Variants in GRM1 observed in about 807,000 individuals in gnomAD.
GRM1 encodes the protein glutamate metabotropic receptor 1.
In GRM1, 33 loss-of-function variants were observed where a neutral mutation model predicts 90.9. That is an observed-to-expected ratio of 0.36 (90% CI 0.28 to 0.49). The LOEUF (loss-of-function observed/expected upper bound fraction) is 0.49. Ranked by LOEUF, GRM1 falls within the 20% of genes least tolerant of loss-of-function variation. The pLI, the probability that GRM1 is intolerant of heterozygous loss-of-function variation, is 0.99. For missense variants in GRM1, 1,190 were observed against 1,534.3 expected (o/e 0.78, Z 3.75); for synonymous variants, 700 against 613.2 (o/e 1.14, Z -2.09).
At chr6:146,414,774 T>C (rs1264198541) in intron 7 of GRM1, among the ~76,000 whole-genome samples, 1 of 152,218 alleles carries the variant, frequency 6.6e-6, no homozygotes, top group Non-Finnish European at 1.5e-5. Flanking sequence ...ATATTTTTTC[T>C]CAGTCTTTGA....
intron 2 of GRM1, among the ~76,000 whole-genome samples, chr6:146,169,054 G>T (rs138553584): frequency 6.6e-6 from 1 of 152,134 alleles, no homozygotes; most frequent in East Asian, 1.9e-4. Context: ...TTCTAGCTGA[G>T]ATTCCATTTA....
At chr6:146,219,098 C>T (rs575493027) in intron 2 of GRM1, among the ~76,000 whole-genome samples, 51 of 152,306 alleles carry the variant, frequency 3.3e-4, no homozygotes, top group African/African-American at 1.2e-3. Flanking sequence ...ATTTTCTTTG[C>T]ACTCATTTCT....
chr6:146,175,412 C>T (rs1333063115), intron 2 of GRM1, among the ~76,000 whole-genome samples: 15 of 152,146 alleles, frequency 9.9e-5, no homozygotes, highest in Admixed American at 9.8e-4. Flanking sequence ...GTTACAACCT[C>T]TACTTTCCTT....
chr6:146,254,606 C>A (rs937560092), intron 2 of GRM1, among the ~76,000 whole-genome samples: 1 of 152,048 alleles, frequency 6.6e-6, no homozygotes, highest in Non-Finnish European at 1.5e-5. Context: ...AAAGATGTTT[C>A]TTTTCTTACC....
intron 3 of GRM1, among the ~76,000 whole-genome samples, chr6:146,306,911 A>G (rs942872815): frequency 2.6e-5 from 4 of 152,202 alleles, no homozygotes; most frequent in Non-Finnish European, 4.4e-5. Flanking sequence ...GGAAAGTCCA[A>G]GAGGCTGATT....
chr6:146,354,653 C>T (rs769643002), intron 4 of GRM1, among the ~76,000 whole-genome samples: 1 of 152,164 alleles, frequency 6.6e-6, no homozygotes, highest in Non-Finnish European at 1.5e-5. Context: ...TGTACTTCCT[C>T]CTCCTGTCAT....
rs548833259 is a variant in GRM1 at position 146,107,530 on chromosome 6, C to A, written c.701-51818C>A. Among the ~76,000 whole-genome samples the A allele has an allele frequency of 4.9e-4, 74 of 152,222 alleles. No individual in the cohort carries two copies. In the Middle Eastern group the frequency reaches 0.014, roughly 28 times the overall value. ...GTGGCTGTTCTTACTGGAGACTTCACCCCTTCAAGCCCAAAATGGAACTGC... is the reference window on the plus strand; with the variant it reads ...GTGGCTGTTCTTACTGGAGACTTCAACCCTTCAAGCCCAAAATGGAACTGC... On this transcript the variant is annotated intron_variant, in intron 1 of 7. Coordinates refer to ENST00000282753, the MANE Select transcript of GRM1 (RefSeq NM_001278064.2).
At chr6:146,138,189 CT>C (rs1431614274) in intron 1 of GRM1, among the ~76,000 whole-genome samples, 1 of 151,850 alleles carries the variant, frequency 6.6e-6, no homozygotes, top group Non-Finnish European at 1.5e-5. Context: ...ACTTTCAGTA[CT>C]ATGTTAAATA....
chr6:146,290,988 A>G (rs1364642702), intron 2 of GRM1, among the ~76,000 whole-genome samples: 1 of 152,184 alleles, frequency 6.6e-6, no homozygotes, highest in African/African-American at 2.4e-5. Context: ...TGACCCCCCA[A>G]AAATGTCTAC....
intron 5 of GRM1, among the ~76,000 whole-genome samples, chr6:146,370,590 C>T (rs1023076708): frequency 2.6e-5 from 4 of 151,910 alleles, no homozygotes; most frequent in Non-Finnish European, 5.9e-5. Context: ...TATTTATTCC[C>T]ATGCATAACA....
At chr6:146,165,485 T>C (rs147116542) in intron 2 of GRM1, among the ~76,000 whole-genome samples, 3 of 152,258 alleles carry the variant, frequency 2.0e-5, no homozygotes, top group Admixed American at 2.0e-4. Context: ...TGGACTTTCA[T>C]TGAAGTGTGA....
chr6:146,135,060 G>A (rs892575689), intron 1 of GRM1, among the ~76,000 whole-genome samples: 1 of 152,206 alleles, frequency 6.6e-6, no homozygotes, highest in South Asian at 2.1e-4. Context: ...GATAAGATTT[G>A]GGTGGGGACA....
chr6:146,249,815 C>A (rs990437789), intron 2 of GRM1, among the ~76,000 whole-genome samples: 2 of 152,144 alleles, frequency 1.3e-5, no homozygotes, highest in African/African-American at 2.4e-5. Flanking sequence ...GCACTCAATG[C>A]CAGCCCATGA....
In GRM1 at chr6:146,426,521, C is replaced by T. The variant is rs776455290; in HGVS notation, c.2661-7351C>T. 1.1e-5 allele frequency: 17 copies of T among 1,586,828 alleles called. No individual in the cohort carries two copies. The East Asian group carries it at 1.4e-4, about 13-fold the overall frequency. ...CCATATCTGTACACATGTATAACCC[C>T]CTCGCTCACTGGGTGTCTTTTTCTT... On this transcript the variant is annotated intron_variant, in intron 7 of 7. Transcript: ENST00000282753.
chr6:146,359,285 A>G (rs575312975), intron 5 of GRM1, among the ~76,000 whole-genome samples: 1 of 152,280 alleles, frequency 6.6e-6, no homozygotes, highest in South Asian at 2.1e-4. Flanking sequence ...TGCCAGACCA[A>G]GGCATTCTGG....
chr6:146,079,138 G>A (rs1336547315), intron 1 of GRM1, among the ~76,000 whole-genome samples: 1 of 152,176 alleles, frequency 6.6e-6, no homozygotes, highest in Non-Finnish European at 1.5e-5. Context: ...AGGCCAGTTG[G>A]AGATGATCAG....
chr6:146,242,176 C>T (rs1780889103), intron 2 of GRM1, among the ~76,000 whole-genome samples: 1 of 152,082 alleles, frequency 6.6e-6, no homozygotes, highest in African/African-American at 2.4e-5. Flanking sequence ...GATTACACCA[C>T]CTACAATGTA....
At chr6:146,073,782 C>A (rs1188935602) in intron 1 of GRM1, among the ~76,000 whole-genome samples, 2 of 151,932 alleles carry the variant, frequency 1.3e-5, no homozygotes, top group African/African-American at 4.8e-5. Context: ...TACAACTGAG[C>A]AAAACCTTGT....
chr6:146,102,067 A>G (rs911798932), intron 1 of GRM1, among the ~76,000 whole-genome samples: 8 of 152,058 alleles, frequency 5.3e-5, no homozygotes, highest in African/African-American at 2.4e-5. Context: ...ACTCTGCCCA[A>G]TACTTGTCTC....
Sources: gnomAD v4.1 joint callset for allele counts (sites outside exome capture counted in the v4.1 genomes callset) on GRCh38, gnomAD v4.1.1 for gene constraint, MANE v1.5 for transcripts, NCBI Gene and HGNC (gene_info 2026-07-23, HGNC 2026-07-21) for gene names.